Variants in KIF11 observed in about 807,000 individuals in gnomAD.
KIF11 encodes kinesin-like protein KIF11.
Under a neutral mutation model 121.0 loss-of-function variants are expected in KIF11, and 9 were observed. That is an observed-to-expected ratio of 0.07 (90% CI 0.04 to 0.13). The LOEUF is 0.13. Among genes scored for constraint, KIF11 ranks in the 10% least tolerant of loss-of-function variants. KIF11 has a pLI of 1.00. For missense variants in KIF11, 846 were observed against 1,217.5 expected (o/e 0.69, Z 4.54); for synonymous variants, 408 against 421.0 (o/e 0.97, Z 0.38).
At chr10:92,616,592 G>A (rs952001257) in intron 8 of KIF11, 145 bp from the exon 9 acceptor site, 15 of 476,654 alleles carry the variant, frequency 3.1e-5, no homozygotes, top group Non-Finnish European at 5.1e-5. Flanking sequence ...TTAAAGGTTG[G>A]GCATAGTGGT....
rs869280893 is a variant in KIF11, at chr10:92,609,297, AGAGAGAGT to A, written c.574-86_574-79del. Reference sequence around the variant, plus strand: ...GAGAGAGAGAGAGAGAGAGAGAGAGAGAGAGAGTGTGTGTGTGTGTGTGTGTGTGTGTG... The same window carrying A: ...GAGAGAGAGAGAGAGAGAGAGAGAGAGTGTGTGTGTGTGTGTGTGTGTGTG... On this transcript the variant is annotated intron_variant, in intron 5 of 21. Coordinates refer to ENST00000260731, the MANE Select transcript of KIF11 (RefSeq NM_004523.4). The A allele has an allele frequency of 2.3e-3, 1,927 of 849,862 alleles. 10 individuals are homozygous for A. In the East Asian group the frequency reaches 0.043, roughly 19 times the overall value. 52.6% of individuals were successfully genotyped at this position (849,862 alleles called of 1,614,324 possible).
intron 11 of KIF11, among the ~76,000 whole-genome samples, chr10:92,629,642 T>C (rs1844715248): frequency 7.0e-6 from 1 of 143,878 alleles, no homozygotes; most frequent in South Asian, 2.1e-4. Context: ...AGAGACAGGG[T>C]CTTGCTTGAT....
chr10:92,640,577 G>T (rs948614408), intron 17 of KIF11, among the ~76,000 whole-genome samples: 4 of 145,130 alleles, frequency 2.8e-5, no homozygotes, highest in Admixed American at 6.9e-5. Context: ...GACTACAGAT[G>T]CCCGCCACCA....
intron 14 of KIF11, 96 bp from the exon 15 acceptor site, chr10:92,637,088 T>C: frequency 1.1e-6 from 1 of 916,716 alleles, no homozygotes; most frequent in Non-Finnish European, 1.6e-6. Context: ...TTAATGTGAA[T>C]GTTTAGCTAC....
At position 92,654,108 on chromosome 10, in the gene KIF11, G is replaced by A. The variant is rs770444530; in HGVS notation, c.*312G>A. On this transcript the variant is annotated 3_prime_UTR_variant, in exon 22 of 22. Coordinates refer to ENST00000260731, the MANE Select transcript of KIF11 (RefSeq NM_004523.4). The stretch of plus-strand genomic sequence containing the variant: ...CGAGAATCACTTGAACCCAGGAAGC[G>A]GGGTTGCAGTGAGCCAAAGGTACAC... 17 of 212,348 alleles carry A rather than the reference G, an allele frequency of 8.0e-5. No homozygotes were observed. Among genetic ancestry groups the A allele is most frequent in the African/African-American group, 1.8e-4 (8 of 43,654 alleles). The allele number at this position is 212,348 out of a possible 1,614,324, so 13.2% of individuals were successfully genotyped here.
chr10:92,637,615 TAATC>T, intron 16 of KIF11, 70 bp downstream of exon 16: 2 of 1,419,654 alleles, frequency 1.4e-6, no homozygotes, highest in Non-Finnish European at 9.6e-7. Flanking sequence ...ACTTGATAAT[TAATC>T]TATGTTACAC....
At chr10:92,618,814 T>G (rs1422696299) in intron 9 of KIF11, among the ~76,000 whole-genome samples, 1 of 152,086 alleles carries the variant, frequency 6.6e-6, no homozygotes, top group Non-Finnish European at 1.5e-5. Context: ...GTCACATGTA[T>G]AGGTTCATGT....
intron 14 of KIF11, among the ~76,000 whole-genome samples, chr10:92,636,849 A>G (rs991666506): frequency 4.0e-5 from 6 of 151,792 alleles, no homozygotes; most frequent in African/African-American, 9.7e-5. Flanking sequence ...CCTGGCCAAC[A>G]TGGCGAAACC....
intron 18 of KIF11, among the ~76,000 whole-genome samples, chr10:92,646,870 T>A: frequency 6.6e-6 from 1 of 152,144 alleles, no homozygotes; most frequent in East Asian, 1.9e-4. Context: ...AGCAGGGTAA[T>A]GAAGAAAAGT....
At chr10:92,593,476 C>T in intron 1 of KIF11, 24 bp downstream of exon 1, 3 of 1,595,874 alleles carry the variant, frequency 1.9e-6, no homozygotes, top group Non-Finnish European at 2.6e-6. Flanking sequence ...TGACAGGATT[C>T]CGAGCGCTGC....
chr10:92,632,947 A>G (rs561852410), intron 13 of KIF11, among the ~76,000 whole-genome samples: 1 of 150,896 alleles, frequency 6.6e-6, no homozygotes, highest in African/African-American at 2.4e-5. Flanking sequence ...CGTTAGAAGT[A>G]GAAGTCCTCT....
rs1844847490 is a variant in KIF11 at position 92,639,975 on chromosome 10, A to G, written c.2267+75A>G. 8.0e-6 allele frequency: 6 copies of G among 751,338 alleles called. No individual in the cohort carries two copies. The South Asian group carries it at 1.0e-4, about 13-fold the overall frequency. The allele number at this position is 751,338 out of a possible 1,614,324, so 46.5% of individuals were successfully genotyped here. A position where few individuals can be genotyped will look rare whatever the true frequency, so the allele number is the denominator to read the frequency against. On this transcript the variant is annotated intron_variant, in intron 17 of 21. Transcript: ENST00000260731. ...TTAAGAAGAAAAAGCTTTAAATAGT[A>G]CAAATAATTCCTCTGTGTACTTTCA...
intron 1 of KIF11, chr10:92,597,056 T>C: frequency 2.6e-6 from 1 of 383,580 alleles, no homozygotes; most frequent in Non-Finnish European, 5.2e-6. Context: ...TTCCAGTATC[T>C]GAGAAGTTGT....
At chr10:92,626,042 A>G (rs1431029935) in intron 10 of KIF11, among the ~76,000 whole-genome samples, 2 of 152,204 alleles carry the variant, frequency 1.3e-5, no homozygotes, top group African/African-American at 4.8e-5. Context: ...CTCTCAAACT[A>G]CCAATGACAT....
At chr10:92,600,801 GA>G (rs1166056479) in intron 1 of KIF11, among the ~76,000 whole-genome samples, 4 of 151,754 alleles carry the variant, frequency 2.6e-5, no homozygotes, top group African/African-American at 9.7e-5. Context: ...CGCCCGGCCA[GA>G]TTTTCTATAT....
intron 10 of KIF11, among the ~76,000 whole-genome samples, chr10:92,622,624 A>G (rs957009494): frequency 1.3e-5 from 2 of 152,090 alleles, no homozygotes; most frequent in African/African-American, 4.8e-5. Flanking sequence ...TCAAAAAAGA[A>G]AAAGGAAAAA....
At chr10:92,637,043 A>G (rs1844810574) in intron 14 of KIF11, 141 bp from the exon 15 acceptor site, 3 of 727,836 alleles carry the variant, frequency 4.1e-6, no homozygotes, top group Non-Finnish European at 6.2e-6. Flanking sequence ...AAAAAAAAAA[A>G]AAAAAAAAAA....
chr10:92,639,729 C>A, intron 16 of KIF11, 65 bp from the exon 17 acceptor site: 1 of 822,788 alleles, frequency 1.2e-6, no homozygotes, highest in Non-Finnish European at 2.0e-6. Context: ...GTTTTGTTAT[C>A]AGTCATAAAA....
At position 92,643,192 on chromosome 10, in the gene KIF11, G is replaced by T. The variant is rs1844883216; in HGVS notation, c.2268-2171G>T. On this transcript the variant is annotated intron_variant, in intron 17 of 21. Coordinates refer to ENST00000260731, the MANE Select transcript of KIF11 (RefSeq NM_004523.4). ...CTCCCAAAGTGCTGGGATTATAGGTGTGAGGCACTGCACCCAGCTGCCTTT... is the reference window on the plus strand; with the variant it reads ...CTCCCAAAGTGCTGGGATTATAGGTTTGAGGCACTGCACCCAGCTGCCTTT... 2.0e-5 allele frequency among the ~76,000 whole-genome samples: 3 copies of T among 152,302 alleles called. No homozygotes were observed. The South Asian group carries it at 6.2e-4, about 32-fold the overall frequency.
Sources: gnomAD v4.1 joint callset for allele counts (sites outside exome capture counted in the v4.1 genomes callset) on GRCh38, gnomAD v4.1.1 for gene constraint, MANE v1.5 for transcripts, NCBI Gene and HGNC (gene_info 2026-07-23, HGNC 2026-07-21) for gene names.